Variants in PUDP observed in about 807,000 individuals in gnomAD.
The protein encoded by PUDP is pseudouridine 5'-phosphatase, also known as pseudouridine-5'-phosphatase.
In PUDP, 8 loss-of-function variants were observed where a neutral mutation model predicts 9.4. The observed-to-expected ratio is 0.85, with a 90% CI of 0.50 to 1.53. PUDP has a LOEUF of 1.53. Among genes scored for constraint, PUDP ranks in the 40% most tolerant of loss-of-function variants. The probability of loss-of-function intolerance (pLI) is 0.00; values close to 1 mark genes in which losing one functional copy is unlikely to be tolerated. For missense variants in PUDP, 188 were observed against 189.7 expected (o/e 0.99, Z 0.05); for synonymous variants, 99 against 80.7 (o/e 1.23, Z -1.22).
intron 3 of PUDP, among the ~76,000 whole-genome samples, chrX:6,964,272 T>C (rs765107010): frequency 4.1e-4 from 46 of 112,415 alleles, no homozygotes; most frequent in Non-Finnish European, 7.3e-4. Context: ...GAAATGCACA[T>C]TCTATATACT....
chrX:7,021,918 C>T (rs1929639312), intron 1 of PUDP, among the ~76,000 whole-genome samples: 1 of 112,401 alleles, frequency 8.9e-6, no homozygotes, highest in African/African-American at 3.2e-5. Flanking sequence ...TACAGCATTA[C>T]AGACTGAATT....
At chrX:7,064,051 A>C (rs1485354284) in intron 3 of PUDP, among the ~76,000 whole-genome samples, 2 of 112,118 alleles carry the variant, frequency 1.8e-5, no homozygotes, top group East Asian at 5.6e-4. Context: ...TCATCCTATA[A>C]TCATGACGAC....
At position 7,055,109 on chromosome X, in the gene PUDP, C is replaced by T. The variant is rs7058238; in HGVS notation, c.511-4637G>A. ...CACAGCCTGCACGTGGGAAATGATT[C>T]GGGGTCATGCCACAGCATCTGGAAG... On this transcript the variant is annotated intron_variant, in intron 3 of 3. Coordinates refer to ENST00000381077, the MANE Select transcript of PUDP (RefSeq NM_012080.5). 6.9e-3 allele frequency among the ~76,000 whole-genome samples: 770 copies of T among 111,813 alleles called. 9 individuals are homozygous for T. Among genetic ancestry groups the T allele is most frequent in the African/African-American group, 0.023 (705 of 30,766 alleles).
At chrX:6,728,673 C>T (rs1250776439) in intron 3 of PUDP, among the ~76,000 whole-genome samples, 3 of 111,424 alleles carry the variant, frequency 2.7e-5, no homozygotes. Flanking sequence ...ATTGAAAAGG[C>T]TATTAAAGAG....
chrX:7,000,561 A>T (rs1186753393), intron 1 of PUDP, among the ~76,000 whole-genome samples: 4 of 110,450 alleles, frequency 3.6e-5, no homozygotes, highest in Non-Finnish European at 5.7e-5. Context: ...TATAGGAACA[A>T]ATATGAATAG....
intron 3 of PUDP, among the ~76,000 whole-genome samples, chrX:6,895,329 T>C (rs902209650): frequency 9.4e-6 from 1 of 106,684 alleles, no homozygotes; most frequent in Non-Finnish European, 1.9e-5. Context: ...TTATTATATA[T>C]ACTATTATAT....
At chrX:6,988,503 T>G (rs1929132661) in intron 1 of PUDP, among the ~76,000 whole-genome samples, 1 of 112,420 alleles carries the variant, frequency 8.9e-6, no homozygotes, top group Non-Finnish European at 1.9e-5. Flanking sequence ...GCTATATGTC[T>G]ACGCATAAGT....
At chrX:7,041,985 T>G (rs1040952037) in intron 1 of PUDP, among the ~76,000 whole-genome samples, 5 of 108,270 alleles carry the variant, frequency 4.6e-5, no homozygotes, top group African/African-American at 1.0e-4. Context: ...TGTGAGCCCT[T>G]CTGCTTGGTC....
intron 3 of PUDP, among the ~76,000 whole-genome samples, chrX:6,843,858 A>G (rs548981715): frequency 8.8e-6 from 1 of 113,053 alleles, no homozygotes; most frequent in African/African-American, 3.2e-5. Context: ...GAAGCATTGA[A>G]TATTTATGAC....
chrX:7,028,312 G>A (rs999769997), intron 1 of PUDP, among the ~76,000 whole-genome samples: 11 of 110,685 alleles, frequency 9.9e-5, no homozygotes, highest in Admixed American at 3.9e-4. Context: ...ATAGAGACAA[G>A]AAAATTCAAA....
At chrX:6,837,144 C>T (rs976173781) in intron 3 of PUDP, among the ~76,000 whole-genome samples, 11 of 112,456 alleles carry the variant, frequency 9.8e-5, no homozygotes, top group African/African-American at 3.2e-4. Context: ...AGTCAGTAGT[C>T]TATGAAACAC....
At chrX:6,821,997 G>C (rs996549131) in intron 3 of PUDP, among the ~76,000 whole-genome samples, 6 of 111,801 alleles carry the variant, frequency 5.4e-5, no homozygotes, top group African/African-American at 2.0e-4. Context: ...ATGTAAATCA[G>C]ACTTTACCTC....
At chrX:6,751,083 A>G (rs763439146) in intron 3 of PUDP, among the ~76,000 whole-genome samples, 1 of 110,005 alleles carries the variant, frequency 9.1e-6, no homozygotes, top group African/African-American at 3.3e-5. Context: ...CGGAGCTTGC[A>G]GTGAGCCAAG....
intron 3 of PUDP, among the ~76,000 whole-genome samples, chrX:7,057,429 G>C (rs1170102993): frequency 9.1e-6 from 1 of 110,412 alleles, no homozygotes; most frequent in Non-Finnish European, 1.9e-5. Context: ...CATCTGAATT[G>C]GGGGAGGGAA....
At chrX:7,143,677 A>G (rs1221503138) in intron 1 of PUDP, among the ~76,000 whole-genome samples, 1 of 112,142 alleles carries the variant, frequency 8.9e-6, no homozygotes, top group Non-Finnish European at 1.9e-5. Context: ...TCCAACATAC[A>G]ATATAGCATC....
intron 1 of PUDP, among the ~76,000 whole-genome samples, chrX:7,109,200 A>T (rs1482933851): frequency 9.0e-6 from 1 of 111,458 alleles, no homozygotes; most frequent in East Asian, 2.8e-4. Flanking sequence ...CGCTCCTTTT[A>T]TTTTCTTCTT....
intron 1 of PUDP, among the ~76,000 whole-genome samples, chrX:7,005,108 G>A (rs1438651022): frequency 9.0e-6 from 1 of 111,450 alleles, no homozygotes; most frequent in Non-Finnish European, 1.9e-5. Flanking sequence ...AGGGGTGGTG[G>A]TGTGACCTGC....
chrX:7,087,819 C>T (rs1000295885), intron 2 of PUDP, among the ~76,000 whole-genome samples: 4 of 112,299 alleles, frequency 3.6e-5, no homozygotes, highest in Admixed American at 9.4e-5. Context: ...GATGAGCATC[C>T]GACTGCCTTT....
chrX:6,799,716 A>G (rs923205559), intron 3 of PUDP, among the ~76,000 whole-genome samples: 5 of 111,652 alleles, frequency 4.5e-5, no homozygotes, highest in African/African-American at 1.6e-4. Flanking sequence ...GCATGCCTGT[A>G]ATCCCAGCTA....
Sources: allele counts gnomAD v4.1 joint callset (sites outside exome capture counted in the v4.1 genomes callset), GRCh38; gene constraint gnomAD v4.1.1; transcripts MANE v1.5; gene names NCBI Gene and HGNC (gene_info 2026-07-23, HGNC 2026-07-21).